The following ARID2 variants were observed in gnomAD, a reference collection of about 807,000 sequenced individuals.
The protein encoded by ARID2 is AT-rich interaction domain 2, also known as AT-rich interactive domain-containing protein 2.
A neutral mutation model predicts 184.6 loss-of-function variants in ARID2; 32 were observed. The ratio of observed to expected loss-of-function variants is 0.17; its 90% CI spans 0.13 to 0.23. ARID2 has a LOEUF of 0.23. Among genes scored for constraint, ARID2 ranks in the 10% least tolerant of loss-of-function variants. ARID2 has a pLI of 1.00. For missense variants in ARID2, 1,696 were observed against 2,197.6 expected (o/e 0.77, Z 4.56); for synonymous variants, 836 against 772.6 (o/e 1.08, Z -1.36).
chr12:45,793,402 T>C (rs1942329556), intron 3 of ARID2, among the ~76,000 whole-genome samples: 1 of 152,080 alleles, frequency 6.6e-6, no homozygotes, highest in Non-Finnish European at 1.5e-5. Flanking sequence ...TCATCTTTAT[T>C]CTTTTTTATT....
chr12:45,827,736 GTCTT>G (rs1306164239), intron 6 of ARID2, among the ~76,000 whole-genome samples: 2 of 152,098 alleles, frequency 1.3e-5, no homozygotes, highest in African/African-American at 2.4e-5. Flanking sequence ...CAGAGGAAGA[GTCTT>G]TCTGACAGAG....
chr12:45,856,781 A>G (rs1029081696), intron 15 of ARID2, among the ~76,000 whole-genome samples: 1 of 152,192 alleles, frequency 6.6e-6, no homozygotes, highest in African/African-American at 2.4e-5. Flanking sequence ...TGATATACCC[A>G]TTGATTTTTA....
At chr12:45,753,036 G>A (rs920333872) in intron 3 of ARID2, among the ~76,000 whole-genome samples, 7 of 152,090 alleles carry the variant, frequency 4.6e-5, no homozygotes, top group African/African-American at 1.2e-4. Context: ...TGAGGCGGGC[G>A]GATCACCTGA....
At chr12:45,815,538 A>C (rs909321832) in intron 4 of ARID2, among the ~76,000 whole-genome samples, 1 of 152,190 alleles carries the variant, frequency 6.6e-6, no homozygotes, top group Non-Finnish European at 1.5e-5. Context: ...CTTTACTTAC[A>C]TGATATTCTT....
intron 3 of ARID2, among the ~76,000 whole-genome samples, chr12:45,807,490 A>T (rs1440213876): frequency 1.3e-5 from 2 of 152,178 alleles, no homozygotes; most frequent in South Asian, 4.1e-4. Flanking sequence ...GGTTGTCAAG[A>T]TGGGTAACTG....
chr12:45,820,444 T>C (rs1026230141), intron 5 of ARID2, among the ~76,000 whole-genome samples: 22 of 152,178 alleles, frequency 1.4e-4, no homozygotes, highest in Admixed American at 2.0e-4. Context: ...AAATCTCTTA[T>C]GAGAGAAAAC....
chr12:45,810,188 A>C, intron 3 of ARID2, among the ~76,000 whole-genome samples: 1 of 152,230 alleles, frequency 6.6e-6, no homozygotes, highest in Admixed American at 6.5e-5. Context: ...CTATGTTAGA[A>C]TAGTGTTGTG....
intron 20 of ARID2, among the ~76,000 whole-genome samples, chr12:45,899,292 AAAAAAGT>A (rs1944413957): frequency 7.4e-6 from 1 of 135,634 alleles, no homozygotes; most frequent in Non-Finnish European, 1.6e-5. Context: ...AAAAAAAAAA[AAAAAAGT>A]AAGTGCTACA....
intron 3 of ARID2, among the ~76,000 whole-genome samples, chr12:45,783,654 G>A (rs546396594): frequency 8.0e-4 from 122 of 152,336 alleles, no homozygotes; most frequent in African/African-American, 2.8e-3. Context: ...TAGGGTTCAC[G>A]CTCCTTTGAG....
intron 6 of ARID2, among the ~76,000 whole-genome samples, chr12:45,834,188 A>G (rs939256895): frequency 2.6e-5 from 4 of 151,936 alleles, no homozygotes; most frequent in African/African-American, 9.7e-5. Flanking sequence ...TAGGATGACT[A>G]CTCCAGTACC....
chr12:45,824,554 G>A (rs375251941), intron 6 of ARID2, among the ~76,000 whole-genome samples: 2 of 152,012 alleles, frequency 1.3e-5, no homozygotes, highest in African/African-American at 4.8e-5. Flanking sequence ...TCAGGAAAAT[G>A]TAAATGAGAA....
rs528924516 is a variant in ARID2 at position 45,733,956 on chromosome 12, C to T, written c.284+2642C>T. ...CATTTAATTTTTACAAATATAAGTG[C>T]CTGCCTGTATCAAAGTTTCTCACCT... On this transcript the variant is annotated intron_variant, in intron 3 of 20. Transcript: ENST00000334344. 1.3e-4 allele frequency among the ~76,000 whole-genome samples: 20 copies of T among 152,212 alleles called. No homozygotes were observed. In the South Asian group the frequency reaches 3.7e-3, roughly 28 times the overall value.
chr12:45,781,787 A>G (rs571206657), intron 3 of ARID2, among the ~76,000 whole-genome samples: 1 of 152,310 alleles, frequency 6.6e-6, no homozygotes, highest in African/African-American at 2.4e-5. Flanking sequence ...ATTGTATCCT[A>G]TAGATTCACA....
rs1488823565 is a variant in ARID2, at chr12:45,817,906, T to G, written c.637+18T>G. 2 of 1,583,140 alleles carry G rather than the reference T, an allele frequency of 1.3e-6. No homozygotes were observed. Among genetic ancestry groups the G allele is most frequent in the Non-Finnish European group, 1.7e-6 (2 of 1,167,940 alleles). On this transcript the variant is annotated intron_variant, in intron 5 of 20. Transcript: ENST00000334344. ...TGACGACAGTAAGTTTTAAGCTGAA[T>G]GTATTATATAATTCTTCTGTAAAAG...
intron 16 of ARID2, among the ~76,000 whole-genome samples, chr12:45,882,956 T>C (rs1434935442): frequency 1.3e-5 from 2 of 152,246 alleles, no homozygotes; most frequent in Non-Finnish European, 2.9e-5. Flanking sequence ...TTTGCTGACT[T>C]AGCCTGTTGG....
At chr12:45,763,440 A>G (rs1401157900) in intron 3 of ARID2, among the ~76,000 whole-genome samples, 1 of 151,886 alleles carries the variant, frequency 6.6e-6, no homozygotes, top group Admixed American at 6.6e-5. Flanking sequence ...ATTCCATTCC[A>G]GCCCAGGTGA....
In ARID2 at chr12:45,729,753, C is replaced by CGGGCTCT. The variant is rs1940933110; in HGVS notation, c.-81_-75dup. The CGGGCTCT allele has an allele frequency of 7.3e-7, 1 of 1,376,944 alleles. No homozygotes were observed. The highest frequency in any genetic ancestry group is 1.0e-6 in the Non-Finnish European group (1 of 997,990). 85.3% of individuals were successfully genotyped at this position (1,376,944 alleles called of 1,614,324 possible). A position where few individuals can be genotyped will look rare whatever the true frequency, so the allele number is the denominator to read the frequency against. Reference sequence around the variant, plus strand: ...CCGCCGCCGGCCGAGGAATGGGCTCCGGGCTCTGGTAGGAAGCGCTGGGAG... The same window carrying CGGGCTCT: ...CCGCCGCCGGCCGAGGAATGGGCTCCGGGCTCTGGGCTCTGGTAGGAAGCGCTGGGAG... On this transcript the variant is annotated 5_prime_UTR_variant, in exon 1 of 21. An upstream open reading frame in the 5' UTR loses its in-frame stop. Transcript: ENST00000334344.
chr12:45,847,911 A>G lies in ARID2; in HGVS notation c.1581-925A>G, dbSNP rs141487312. On this transcript the variant is annotated intron_variant, in intron 12 of 20. Transcript: ENST00000334344. The stretch of plus-strand genomic sequence containing the variant: ...TATTTGGAAATGTTGTTTGTCTTCT[A>G]CATTGCAACCAAAATGAAGTTTTTA... Among the ~76,000 whole-genome samples, 21 of 152,168 alleles carry G rather than the reference A, an allele frequency of 1.4e-4. No individual in the cohort carries two copies. In the East Asian group the frequency reaches 3.9e-3, roughly 28 times the overall value.
intron 3 of ARID2, chr12:45,789,170 T>G (rs1304913716): frequency 6.6e-6 from 1 of 152,208 alleles, no homozygotes; most frequent in African/African-American, 2.4e-5. Flanking sequence ...AGTTTCCTTA[T>G]CTGTAGAATA....
Sources: gnomAD v4.1 joint callset for allele counts (sites outside exome capture counted in the v4.1 genomes callset) on GRCh38, gnomAD v4.1.1 for gene constraint, MANE v1.5 for transcripts, NCBI Gene and HGNC (gene_info 2026-07-23, HGNC 2026-07-21) for gene names.